VPS4B: variants seen among roughly 807,000 people sequenced by gnomAD.
VPS4B encodes vacuolar protein sorting-associated protein 4B.
In VPS4B, 23 loss-of-function variants were observed where a neutral mutation model predicts 56.1. The observed-to-expected ratio is 0.41, with a 90% CI of 0.30 to 0.58. The LOEUF (loss-of-function observed/expected upper bound fraction) is 0.58, where lower values mean the gene tolerates loss of function less well. Ranked by LOEUF, VPS4B falls within the 20% of genes least tolerant of loss-of-function variation. The pLI, the probability that VPS4B is intolerant of heterozygous loss-of-function variation, is 0.29. For missense variants in VPS4B, 372 were observed against 531.9 expected, an observed-to-expected ratio of 0.70 and a Z score of 2.96; for synonymous variants, 177 against 186.0, an observed-to-expected ratio of 0.95 and a Z score of 0.39.
At chr18:63,417,885 T>G (rs891451092) in intron 1 of VPS4B, among the ~76,000 whole-genome samples, 1 of 152,164 alleles carries the variant, frequency 6.6e-6, no homozygotes, top group Non-Finnish European at 1.5e-5. Flanking sequence ...CCTGTTCCAC[T>G]TAGGAGTCCC....
chr18:63,407,259 G>A, intron 4 of VPS4B, 173 bp downstream of exon 4: 1 of 607,454 alleles, frequency 1.6e-6, no homozygotes, highest in East Asian at 2.9e-5. Context: ...TGATCCTAGA[G>A]GGCAAACCCT....
At chr18:63,407,564 G>T in intron 3 of VPS4B, 65 bp from the exon 4 acceptor site, 2 of 1,283,840 alleles carry the variant, frequency 1.6e-6, no homozygotes, top group Non-Finnish European at 2.1e-6. Flanking sequence ...CAAAAATGAA[G>T]GAAAAATTAA....
At chr18:63,410,795 T>TA (rs1916023861) in intron 2 of VPS4B, among the ~76,000 whole-genome samples, 1 of 152,174 alleles carries the variant, frequency 6.6e-6, no homozygotes. Flanking sequence ...AACCCAATTA[T>TA]AAAAAAGACA....
intron 5 of VPS4B, among the ~76,000 whole-genome samples, chr18:63,402,385 C>T (rs1367106223): frequency 6.6e-6 from 1 of 151,834 alleles, no homozygotes; most frequent in Non-Finnish European, 1.5e-5. Flanking sequence ...CGTTAGAAGT[C>T]GAGAGAGAGA....
intron 8 of VPS4B, among the ~76,000 whole-genome samples, chr18:63,398,225 T>TATATATATATATATATATATATATATA (rs1568084680): frequency 1.8e-5 from 1 of 55,032 alleles, no homozygotes; most frequent in African/African-American, 4.8e-5. Context: ...ATATATATAT[T>TATATATATATATATATATATATATATA]TTTTTTTGAG....
chr18:63,401,755 G>A (rs1381839482), intron 5 of VPS4B, among the ~76,000 whole-genome samples: 2 of 152,186 alleles, frequency 1.3e-5, no homozygotes. Flanking sequence ...CACTTTGAGA[G>A]GCTGAGATGG....
Position 63,390,906 on chromosome 18 carries a change from C to T in VPS4B, c.*69G>A, listed in dbSNP as rs1050690635. 5.5e-6 allele frequency: 6 copies of T among 1,086,976 alleles called. No homozygotes were observed. Among genetic ancestry groups the T allele is most frequent in the East Asian group, 5.0e-5 (2 of 40,232 alleles). The allele number at this position is 1,086,976 out of a possible 1,614,324, so 67.3% of individuals were successfully genotyped here. On this transcript the variant is annotated 3_prime_UTR_variant, in exon 11 of 11. Transcript: ENST00000238497. ...AGAGTTTTACTGGAAACAATTAATG[C>T]GATCCAAATAGACAAAAATATCTAT...
intron 4 of VPS4B, among the ~76,000 whole-genome samples, chr18:63,404,122 C>T (rs760642019): frequency 7.2e-5 from 11 of 152,092 alleles, no homozygotes; most frequent in East Asian, 3.9e-4. Context: ...TAGGTTGGTG[C>T]GAAAATCAAA....
chr18:63,419,626 C>A lies in VPS4B; in HGVS notation c.27+2607G>T, dbSNP rs1200429235. ...TGATGTGAATGTGGTTTCTCTCTCT[C>A]AACATCTTATTGCACTGTTCTCAAC... On this transcript the variant is annotated intron_variant, in intron 1 of 10. Transcript: ENST00000238497. Among the ~76,000 whole-genome samples, 4 of 149,612 alleles carry A rather than the reference C, an allele frequency of 2.7e-5. No homozygotes were observed. The East Asian group carries it at 8.0e-4, about 30-fold the overall frequency.
intron 1 of VPS4B, among the ~76,000 whole-genome samples, chr18:63,414,588 C>T (rs1378180983): frequency 2.6e-5 from 4 of 152,022 alleles, no homozygotes; most frequent in Non-Finnish European, 4.4e-5. Flanking sequence ...GCACCCACCA[C>T]CATGCCTGGC....
chr18:63,418,915 T>C (rs1483525869), intron 1 of VPS4B, among the ~76,000 whole-genome samples: 1 of 152,214 alleles, frequency 6.6e-6, no homozygotes, highest in Non-Finnish European at 1.5e-5. Context: ...TACACATATG[T>C]ATGCAAATAT....
chr18:63,421,349 T>C (rs1451829409), intron 1 of VPS4B, among the ~76,000 whole-genome samples: 3 of 152,290 alleles, frequency 2.0e-5, no homozygotes, highest in Non-Finnish European at 4.4e-5. Context: ...GATGCCTCTG[T>C]CAGGCACTCC....
At chr18:63,408,451 C>T (rs1016275721) in intron 3 of VPS4B, among the ~76,000 whole-genome samples, 3 of 152,116 alleles carry the variant, frequency 2.0e-5, no homozygotes, top group African/African-American at 7.2e-5. Context: ...TAAAGGCTGT[C>T]CTTATTAAAA....
chr18:63,394,635 T>G (rs1359680512), intron 9 of VPS4B, among the ~76,000 whole-genome samples: 1 of 152,054 alleles, frequency 6.6e-6, no homozygotes, highest in African/African-American at 2.4e-5. Flanking sequence ...CCGAGCTAAT[T>G]TTTGTATTTT....
rs746723290 is a variant in VPS4B, at chr18:63,411,498, A to G, written c.108T>C (p.His36=). 1.2e-5 allele frequency: 19 copies of G among 1,598,780 alleles called. No homozygotes were observed. The highest frequency in any genetic ancestry group is 3.3e-4 in the Middle Eastern group (2 of 6,006). The part of the protein sequence containing the change: ...NYEEALQLYQ[H]AVQYFLHVVK... ...CGACATGAAGAAAATACTGCACAGCATGCTGATAGAGCTGAAGGGCTTCTT... is the reference window on the plus strand; with the variant it reads ...CGACATGAAGAAAATACTGCACAGCGTGCTGATAGAGCTGAAGGGCTTCTT... Residue 36 remains histidine (H), a synonymous_variant, in exon 2 of 11, where the codon CAT becomes CAC. Coordinates refer to ENST00000238497, the MANE Select transcript of VPS4B (RefSeq NM_004869.4).
chr18:63,398,634 G>A (rs1034146359), intron 8 of VPS4B, among the ~76,000 whole-genome samples: 2 of 151,580 alleles, frequency 1.3e-5, no homozygotes, highest in African/African-American at 4.9e-5. Context: ...TCAAGAGATC[G>A]AGACCATCCT....
rs181417090 is a variant in VPS4B at position 63,422,413 on chromosome 18, A to C, written c.-154T>G. The stretch of plus-strand genomic sequence containing the variant: ...GCCTCCCTTCCGGAACTTGTTTTAG[A>C]CAACACTCTCTCCACCAGAGCTCCG... On this transcript the variant is annotated 5_prime_UTR_variant, in exon 1 of 11. Transcript: ENST00000238497. The C allele has an allele frequency of 5.0e-6, 3 of 599,410 alleles. No homozygotes were observed. Among genetic ancestry groups the C allele is most frequent in the Non-Finnish European group, 7.9e-6 (3 of 381,298 alleles). The allele number at this position is 599,410 out of a possible 1,614,324, so 37.1% of individuals were successfully genotyped here.
intron 4 of VPS4B, 149 bp from the exon 5 acceptor site, chr18:63,403,975 G>T: frequency 1.1e-6 from 1 of 898,100 alleles, no homozygotes; most frequent in Non-Finnish European, 1.6e-6. Context: ...TGAGCAGGAA[G>T]CAGGTGTTAG....
chr18:63,397,363 A>G (rs1915695197), intron 8 of VPS4B, 110 bp from the exon 9 acceptor site: 2 of 977,084 alleles, frequency 2.0e-6, no homozygotes, highest in Admixed American at 2.9e-5. Flanking sequence ...TTAAACATAT[A>G]TATTTAGGTT....
Sources: gnomAD v4.1 joint callset for allele counts (sites outside exome capture counted in the v4.1 genomes callset) on GRCh38, gnomAD v4.1.1 for gene constraint, MANE v1.5 for transcripts, NCBI Gene and HGNC (gene_info 2026-07-23, HGNC 2026-07-21) for gene names.